The following MOB3B variants were observed in gnomAD, a reference collection of about 807,000 sequenced individuals.
MOB3B encodes the protein MOB kinase activator 3B.
MOB3B carries 7 observed loss-of-function variants against 18.7 expected under a neutral mutation model. The observed-to-expected ratio is 0.37, with a 90% CI of 0.21 to 0.70. MOB3B has a LOEUF of 0.70. MOB3B is among the 30% of genes least tolerant of loss of function. The probability of loss-of-function intolerance (pLI) is 0.52; values close to 1 mark genes in which losing one functional copy is unlikely to be tolerated. For synonymous variants in MOB3B, 111 were observed against 99.9 expected (o/e 1.11, Z -0.66); for missense variants, 253 against 281.3 (o/e 0.90, Z 0.72).
chr9:27,376,265 T>C (rs1821488843), intron 2 of MOB3B, among the ~76,000 whole-genome samples: 1 of 152,270 alleles, frequency 6.6e-6, no homozygotes, highest in Non-Finnish European at 1.5e-5. Flanking sequence ...CAGTTGGTCC[T>C]GACAATTTTC....
Position 27,441,709 on chromosome 9 carries a change from G to T in MOB3B, c.418+13424C>A, listed in dbSNP as rs142950546. 6.0e-4 allele frequency among the ~76,000 whole-genome samples: 92 copies of T among 152,224 alleles called. 1 individual carries two copies. Among genetic ancestry groups the T allele is most frequent in the African/African-American group, 2.1e-3 (88 of 41,522 alleles). On this transcript the variant is annotated intron_variant, in intron 2 of 3. Transcript: ENST00000262244. ...GTTGACCACAGGTGACTGAAACAGA[G>T]GAAATCAGAACCATAGATAAAGGGG... is the stretch of plus-strand genomic sequence containing the variant.
At chr9:27,528,302 C>T (rs1820468177) in intron 1 of MOB3B, among the ~76,000 whole-genome samples, 1 of 152,254 alleles carries the variant, frequency 6.6e-6, no homozygotes, top group Non-Finnish European at 1.5e-5. Flanking sequence ...GCCCTAGCAG[C>T]GGCCCAGCCC....
At chr9:27,361,928 C>T (rs971497914) in intron 2 of MOB3B, among the ~76,000 whole-genome samples, 1 of 152,230 alleles carries the variant, frequency 6.6e-6, no homozygotes, top group Non-Finnish European at 1.5e-5. Context: ...CTGGGGGACA[C>T]AGGGACTTTC....
chr9:27,481,511 G>GTTTTTTTTT (rs536716885), intron 1 of MOB3B, among the ~76,000 whole-genome samples: 5 of 69,648 alleles, frequency 7.2e-5, no homozygotes, highest in Non-Finnish European at 1.9e-4. Flanking sequence ...TTTTTTTTTT[G>GTTTTTTTTT]TTTTTTTTGT....
chr9:27,506,749 C>G (rs1177210585), intron 1 of MOB3B, among the ~76,000 whole-genome samples: 1 of 151,448 alleles, frequency 6.6e-6, no homozygotes, highest in East Asian at 1.9e-4. Flanking sequence ...CCAGGATGGT[C>G]TCGATCTCCT....
At chr9:27,503,903 C>G (rs953569413) in intron 1 of MOB3B, among the ~76,000 whole-genome samples, 1 of 152,206 alleles carries the variant, frequency 6.6e-6, no homozygotes, top group Admixed American at 6.5e-5. Flanking sequence ...TAACTCGGGA[C>G]CACTCTTCAG....
chr9:27,384,857 G>A (rs1240005180), intron 2 of MOB3B, among the ~76,000 whole-genome samples: 2 of 152,194 alleles, frequency 1.3e-5, no homozygotes, highest in Non-Finnish European at 1.5e-5. Flanking sequence ...CCTTGGGGGA[G>A]AACCTTGGGT....
intron 3 of MOB3B, among the ~76,000 whole-genome samples, chr9:27,347,242 G>A (rs754076303): frequency 2.0e-5 from 3 of 152,250 alleles, no homozygotes; most frequent in Non-Finnish European, 1.5e-5. Flanking sequence ...CTAGGTTCCA[G>A]CTTCACCCAG....
In MOB3B at chr9:27,455,194, G is replaced by C; in HGVS notation, c.357C>G (p.Asn119Lys). ...GAACCTCAATCCAATCCATAAGAAG[G>C]TTCATGTACTGGGGAGCTGGCAGCG... Reference protein sequence around the residue: ...PTALPAPQYMNLLMDWIEVQI... With the variant: ...PTALPAPQYMKLLMDWIEVQI... Residue 119 changes from asparagine to lysine, a missense_variant, in exon 2 of 4, where the codon AAC becomes AAG. Physicochemically the swap from Asn to Lys is moderately conservative, Grantham distance 94 (BLOSUM62 0). Transcript: ENST00000262244. 6.2e-7 allele frequency: 1 copy of C among 1,614,092 alleles called. No homozygotes were observed. Among genetic ancestry groups the C allele is most frequent in the Non-Finnish European group, 8.5e-7 (1 of 1,179,986 alleles).
At chr9:27,359,366 AGT>A (rs1388650814) in intron 2 of MOB3B, 130 bp from the exon 3 acceptor site, 278 of 362,034 alleles carry the variant, frequency 7.7e-4, no homozygotes, top group South Asian at 1.3e-3. Context: ...AGTCATAGGG[AGT>A]GTGTGTGTGT....
intron 2 of MOB3B, among the ~76,000 whole-genome samples, chr9:27,396,390 GC>G (rs1821799423): frequency 6.6e-6 from 1 of 152,090 alleles, no homozygotes; most frequent in South Asian, 2.1e-4. Context: ...TTATCCCCAA[GC>G]CCACTCCTAT....
intron 2 of MOB3B, among the ~76,000 whole-genome samples, chr9:27,399,493 TG>T (rs1821845458): frequency 6.6e-6 from 1 of 152,134 alleles, no homozygotes; most frequent in African/African-American, 2.4e-5. Context: ...CAGAAAGCAC[TG>T]GGGAGAAGGT....
At chr9:27,508,624 A>C (rs73646511) in intron 1 of MOB3B, among the ~76,000 whole-genome samples, 1 of 152,314 alleles carries the variant, frequency 6.6e-6, no homozygotes, top group Middle Eastern at 3.4e-3. Flanking sequence ...CTCACACACA[A>C]AAAAACGAGT....
chr9:27,441,032 G>T (rs993900660), intron 2 of MOB3B, among the ~76,000 whole-genome samples: 5 of 152,004 alleles, frequency 3.3e-5, no homozygotes, highest in African/African-American at 9.7e-5. Context: ...TTCACAATAG[G>T]GTCCGTGCTC....
chr9:27,481,497 GTTT>G (rs749380961), intron 1 of MOB3B, among the ~76,000 whole-genome samples: 12 of 89,058 alleles, frequency 1.3e-4, no homozygotes, highest in Admixed American at 3.0e-4. Context: ...AAGGAAGGTA[GTTT>G]TTTTTTTTTT....
At chr9:27,342,215 A>G (rs1820953343) in intron 3 of MOB3B, among the ~76,000 whole-genome samples, 1 of 152,162 alleles carries the variant, frequency 6.6e-6, no homozygotes, top group Admixed American at 6.5e-5. Flanking sequence ...ATGACCAGTG[A>G]GACTCTCTAG....
intron 2 of MOB3B, among the ~76,000 whole-genome samples, chr9:27,434,375 T>C (rs1415113072): frequency 6.6e-6 from 1 of 152,106 alleles, no homozygotes; most frequent in African/African-American, 2.4e-5. Flanking sequence ...TCAAACTCCT[T>C]TACCAACAAT....
intron 1 of MOB3B, among the ~76,000 whole-genome samples, chr9:27,483,992 C>A (rs1276690598): frequency 1.3e-5 from 2 of 152,192 alleles, no homozygotes; most frequent in Non-Finnish European, 2.9e-5. Context: ...GACAGAGCCA[C>A]TAAGGAGTGC....
intron 1 of MOB3B, among the ~76,000 whole-genome samples, chr9:27,526,676 A>T (rs533284786): frequency 6.6e-6 from 1 of 152,350 alleles, no homozygotes; most frequent in Non-Finnish European, 1.5e-5. Flanking sequence ...TAAAGATCAC[A>T]TCTAATCAAA....
Sources: allele counts gnomAD v4.1 joint callset (sites outside exome capture counted in the v4.1 genomes callset), GRCh38; gene constraint gnomAD v4.1.1; transcripts MANE v1.5; gene names NCBI Gene and HGNC (gene_info 2026-07-23, HGNC 2026-07-21).